The following FNBP1 variants were observed in gnomAD, a reference collection of about 807,000 sequenced individuals.
FNBP1 encodes formin binding protein 1, also known as formin-binding protein 1.
A neutral mutation model predicts 90.6 loss-of-function variants in FNBP1; 26 were observed. The observed-to-expected ratio is 0.29, with a 90% CI of 0.21 to 0.40. The LOEUF is 0.40. Among genes scored for constraint, FNBP1 ranks in the 10% least tolerant of loss-of-function variants. FNBP1 has a pLI of 1.00. For synonymous variants in FNBP1, 260 were observed against 265.2 expected, an observed-to-expected ratio of 0.98 and a Z score of 0.19; for missense variants, 635 against 768.0, an observed-to-expected ratio of 0.83 and a Z score of 2.05.
chr9:129,931,431 G>T (rs927217962), intron 6 of FNBP1, among the ~76,000 whole-genome samples: 6 of 151,504 alleles, frequency 4.0e-5, no homozygotes, highest in Non-Finnish European at 7.4e-5. Flanking sequence ...GTGAAACCCC[G>T]TCTCTACTAA....
intron 1 of FNBP1, among the ~76,000 whole-genome samples, chr9:130,038,657 A>G (rs2059565585): frequency 6.6e-6 from 1 of 152,104 alleles, no homozygotes; most frequent in African/African-American, 2.4e-5. Flanking sequence ...GGCCTCCCAA[A>G]GTTCTGGGAT....
At chr9:129,960,952 G>A (rs1231849453) in intron 4 of FNBP1, among the ~76,000 whole-genome samples, 1 of 152,076 alleles carries the variant, frequency 6.6e-6, no homozygotes, top group Non-Finnish European at 1.5e-5. Flanking sequence ...AGAGAAGTGG[G>A]TCTGAGGAGG....
rs527290940 is a variant in FNBP1 at position 129,951,613 on chromosome 9, T to A, written c.513+5747A>T. 1.1e-4 allele frequency among the ~76,000 whole-genome samples: 16 copies of A among 151,840 alleles called. No homozygotes were observed. The South Asian group carries it at 3.3e-3, about 32-fold the overall frequency. The stretch of plus-strand genomic sequence containing the variant: ...CACACCACCATGCTAGGCTAATTTT[T>A]AAAAAACTTTTTGTAGAGACAAGGT... On this transcript the variant is annotated intron_variant, in intron 6 of 16. Coordinates refer to ENST00000446176, the MANE Select transcript of FNBP1 (RefSeq NM_015033.3).
chr9:129,908,370 G>GT lies in FNBP1; in HGVS notation c.1295+519dup, dbSNP rs749015288. Among the ~76,000 whole-genome samples the GT allele has an allele frequency of 9.5e-3, 1,401 of 147,700 alleles. 14 individuals are homozygous for GT. The highest frequency in any genetic ancestry group is 0.018 in the Middle Eastern group (5 of 278). ...AGGTGCACACCATCATGCCTGGCTAGTTTTTTTCTTTTTTTTTTTTTTAGG... is the reference window on the plus strand; with the variant it reads ...AGGTGCACACCATCATGCCTGGCTAGTTTTTTTTCTTTTTTTTTTTTTTAGG... On this transcript the variant is annotated intron_variant, in intron 12 of 16. Coordinates refer to ENST00000446176, the MANE Select transcript of FNBP1 (RefSeq NM_015033.3).
At chr9:129,952,992 GA>G (rs2046401308) in intron 6 of FNBP1, among the ~76,000 whole-genome samples, 1 of 152,082 alleles carries the variant, frequency 6.6e-6, no homozygotes, top group African/African-American at 2.4e-5. Flanking sequence ...AGAACAAGTT[GA>G]AAAACAAAAT....
At chr9:129,891,826 C>A (rs1047616829) in intron 16 of FNBP1, among the ~76,000 whole-genome samples, 1 of 152,100 alleles carries the variant, frequency 6.6e-6, no homozygotes, top group Non-Finnish European at 1.5e-5. Context: ...GTTAAATATT[C>A]ATATTACACA....
chr9:130,007,239 C>CAAAAAAAAAAAAAA (rs72063140), intron 1 of FNBP1, among the ~76,000 whole-genome samples: 152 of 75,782 alleles, frequency 2.0e-3, no homozygotes, highest in Non-Finnish European at 2.4e-3. Flanking sequence ...GAGATCCTGT[C>CAAAAAAAAAAAAAA]AAAAAAAAAA....
At chr9:130,010,296 C>A (rs971689119) in intron 1 of FNBP1, among the ~76,000 whole-genome samples, 1 of 152,182 alleles carries the variant, frequency 6.6e-6, no homozygotes, top group East Asian at 1.9e-4. Flanking sequence ...TGTCTTATTA[C>A]AGGATCACTT....
Position 129,932,002 on chromosome 9 carries a change from A to G in FNBP1, c.514-2307T>C, listed in dbSNP as rs905344195. Among the ~76,000 whole-genome samples, 67 of 151,840 alleles carry G rather than the reference A, an allele frequency of 4.4e-4. 1 individual carries two copies. The highest frequency in any genetic ancestry group is 1.5e-4 in the Non-Finnish European group (10 of 67,918). On this transcript the variant is annotated intron_variant, in intron 6 of 16. Transcript: ENST00000446176. ...CTGAGGCGGGTGGATGACGAGGTCAAGAGATTGAGACCATCCTGGCCAACA... is the reference window on the plus strand; with the variant it reads ...CTGAGGCGGGTGGATGACGAGGTCAGGAGATTGAGACCATCCTGGCCAACA...
chr9:130,049,869 GTGTGTTT>G, the FNBP1 span, among the ~76,000 whole-genome samples: 5 of 151,790 alleles, frequency 3.3e-5, no homozygotes, highest in African/African-American at 4.8e-5. Context: ...CTTTTTTTGT[GTGTGTTT>G]TGTGTTTTGT....
At chr9:130,018,979 C>A (rs2057534869) in intron 1 of FNBP1, among the ~76,000 whole-genome samples, 1 of 152,098 alleles carries the variant, frequency 6.6e-6, no homozygotes, top group South Asian at 2.1e-4. Flanking sequence ...AATCCCAGCA[C>A]TTTGGGAAGC....
At position 130,043,030 on chromosome 9, in the gene FNBP1, C is replaced by T. The variant is rs2059982859; in HGVS notation, c.-55G>A. 8.2e-7 allele frequency: 1 copy of T among 1,222,950 alleles called. No homozygotes were observed. The highest frequency in any genetic ancestry group is 1.0e-6 in the Non-Finnish European group (1 of 981,874). 75.8% of individuals were successfully genotyped at this position (1,222,950 alleles called of 1,614,324 possible). A position where few individuals can be genotyped will look rare whatever the true frequency, so the allele number is the denominator to read the frequency against. On this transcript the variant is annotated 5_prime_UTR_variant, in exon 1 of 17. Coordinates refer to ENST00000446176, the MANE Select transcript of FNBP1 (RefSeq NM_015033.3). Reference sequence around the variant, plus strand: ...GCGGCGGGCGCGGCTCTCTGGTCCCCCTCCCCGGCGATCCCTTTGCCCCCC... The same window carrying T: ...GCGGCGGGCGCGGCTCTCTGGTCCCTCTCCCCGGCGATCCCTTTGCCCCCC...
Position 129,890,641 on chromosome 9 carries a change from C to G in FNBP1, c.1847-95G>C, listed in dbSNP as rs1415452704. 3 of 778,288 alleles carry G rather than the reference C, an allele frequency of 3.9e-6. No homozygotes were observed. The highest frequency in any genetic ancestry group is 6.4e-6 in the Non-Finnish European group (3 of 470,898). 48.2% of individuals were successfully genotyped at this position (778,288 alleles called of 1,614,324 possible). ...TTTTGCTCTTGGCTACAAACTGCAC[C>G]GCCCTGGGAGGGGAGGGTAGTGGGA... On this transcript the variant is annotated intron_variant, in intron 16 of 16. Coordinates refer to ENST00000446176, the MANE Select transcript of FNBP1 (RefSeq NM_015033.3). The surrounding 1 kb of genome is among the most constrained non-coding windows in gnomAD (Gnocchi z 5.8).
rs1020559422 is a variant in FNBP1 at position 129,930,024 on chromosome 9, A to AT, written c.514-330dup. On this transcript the variant is annotated intron_variant, in intron 6 of 16. Transcript: ENST00000446176. The stretch of plus-strand genomic sequence containing the variant: ...GAACCTCTGCTCATCTCATATACAC[A>AT]TTTTTTTTTTTTTGAGGAGGGGATG... 4.6e-3 allele frequency among the ~76,000 whole-genome samples: 618 copies of AT among 135,364 alleles called. 1 individual carries two copies. Among genetic ancestry groups the AT allele is most frequent in the African/African-American group, 0.013 (481 of 36,842 alleles). 88.8% of individuals were successfully genotyped at this position (135,364 alleles called of 152,430 possible).
At chr9:129,970,434 C>T (rs2049279393) in intron 4 of FNBP1, among the ~76,000 whole-genome samples, 1 of 152,000 alleles carries the variant, frequency 6.6e-6, no homozygotes, top group African/African-American at 2.4e-5. Context: ...TCAAACTCGC[C>T]ACCTCAAGCA....
In FNBP1 at chr9:130,031,493, GCT is replaced by G. The variant is rs2058798596; in HGVS notation, c.24+11457_24+11458del. 6.6e-6 allele frequency among the ~76,000 whole-genome samples: 1 copy of G among 151,964 alleles called. No individual in the cohort carries two copies. The highest frequency in any genetic ancestry group is 1.5e-5 in the Non-Finnish European group (1 of 68,002). On this transcript the variant is annotated intron_variant, in intron 1 of 16. Coordinates refer to ENST00000446176, the MANE Select transcript of FNBP1 (RefSeq NM_015033.3). This position sits in a 1 kb window ranked among gnomAD's most constrained non-coding sequence, Gnocchi z 4.2. ...CATTTCCTCCTTCTTTTCCCGGAAG[GCT>G]CTGTCCAGATCCCCTCCACCCTTCT...
At chr9:129,992,052 T>C (rs1564520405) in intron 2 of FNBP1, among the ~76,000 whole-genome samples, 1 of 152,172 alleles carries the variant, frequency 6.6e-6, no homozygotes, top group Non-Finnish European at 1.5e-5. Flanking sequence ...CTGTGAGTCA[T>C]TGCCATATGG....
intron 6 of FNBP1, among the ~76,000 whole-genome samples, chr9:129,936,873 A>G (rs138469559): frequency 7.4e-4 from 112 of 152,330 alleles, no homozygotes; most frequent in Non-Finnish European, 1.4e-3. Flanking sequence ...GTCAATGGTT[A>G]GGAATAAAAC....
chr9:130,042,721 C>G lies in FNBP1; in HGVS notation c.24+231G>C, dbSNP rs1408135664. 6.6e-6 allele frequency among the ~76,000 whole-genome samples: 1 copy of G among 151,682 alleles called. No individual in the cohort carries two copies. The highest frequency in any genetic ancestry group is 1.5e-5 in the Non-Finnish European group (1 of 67,850). ...CCGCCCGCGCCGTTCCTCAGGCCGCCGGGGACCCGCACCAACTCCCCTCGC... is the reference window on the plus strand; with the variant it reads ...CCGCCCGCGCCGTTCCTCAGGCCGCGGGGGACCCGCACCAACTCCCCTCGC... On this transcript the variant is annotated intron_variant, in intron 1 of 16. Transcript: ENST00000446176. The surrounding 1 kb of genome is among the most constrained non-coding windows in gnomAD (Gnocchi z 5.5).
Sources: allele counts gnomAD v4.1 joint callset (sites outside exome capture counted in the v4.1 genomes callset), GRCh38; gene constraint gnomAD v4.1.1; non-coding constraint Gnocchi (gnomAD v3.1); transcripts MANE v1.5; gene names NCBI Gene and HGNC (gene_info 2026-07-23, HGNC 2026-07-21).